IQCM: variants seen among roughly 807,000 people sequenced by gnomAD.
The protein encoded by IQCM is IQ motif containing M, also known as IQ domain-containing protein M.
Under a neutral mutation model 57.6 loss-of-function variants are expected in IQCM, and 45 were observed. The observed-to-expected ratio is 0.78, with a 90% CI of 0.62 to 1.00. The LOEUF (loss-of-function observed/expected upper bound fraction) is 1.00, where lower values mean the gene tolerates loss of function less well. Ranked by LOEUF, IQCM falls within the 50% of genes least tolerant of loss-of-function variation. The probability of loss-of-function intolerance (pLI) is 0.00; values close to 1 mark genes in which losing one functional copy is unlikely to be tolerated. For missense variants in IQCM, 468 were observed against 511.6 expected, an observed-to-expected ratio of 0.91 and a Z score of 0.82; for synonymous variants, 148 against 158.9, an observed-to-expected ratio of 0.93 and a Z score of 0.51.
At chr4:149,446,487 G>C (rs1265767930) in intron 12 of IQCM, among the ~76,000 whole-genome samples, 1 of 151,604 alleles carries the variant, frequency 6.6e-6, no homozygotes, top group Non-Finnish European at 1.5e-5. Context: ...AAGATGCAAA[G>C]TGTCCTTTTT....
At chr4:149,544,463 G>T (rs1748181162) in intron 12 of IQCM, among the ~76,000 whole-genome samples, 1 of 152,048 alleles carries the variant, frequency 6.6e-6, no homozygotes, top group Admixed American at 6.6e-5. Flanking sequence ...ACTTTATATT[G>T]TTAATATGCC....
chr4:149,484,753 G>T (rs1464336856), intron 12 of IQCM, among the ~76,000 whole-genome samples: 2 of 151,960 alleles, frequency 1.3e-5, no homozygotes, highest in African/African-American at 2.4e-5. Flanking sequence ...AGCAGTTGGT[G>T]TGTTATACTA....
At chr4:149,737,584 T>C (rs1767059135) in intron 3 of IQCM, 1 of 152,176 alleles carries the variant, frequency 6.6e-6, no homozygotes, top group African/African-American at 2.4e-5. Context: ...TTTCACCACG[T>C]AGACTCACAG....
chr4:149,581,618 G>A (rs1752190900), intron 9 of IQCM, among the ~76,000 whole-genome samples: 1 of 151,668 alleles, frequency 6.6e-6, no homozygotes, highest in African/African-American at 2.4e-5. Flanking sequence ...TTGCCCTTGG[G>A]AAGTTGACCC....
chr4:149,439,243 G>T (rs1272186645), intron 12 of IQCM, among the ~76,000 whole-genome samples: 2 of 151,864 alleles, frequency 1.3e-5, no homozygotes, highest in African/African-American at 4.8e-5. Context: ...CAAAAGGTTC[G>T]CTTCTTCAGT....
At chr4:149,382,267 A>C (rs1731132444) in intron 13 of IQCM, among the ~76,000 whole-genome samples, 1 of 152,114 alleles carries the variant, frequency 6.6e-6, no homozygotes, top group South Asian at 2.1e-4. Context: ...TAATAAAAAT[A>C]CTTGTGGGGG....
chr4:149,622,001 T>G (rs1371319110), intron 7 of IQCM, among the ~76,000 whole-genome samples: 1 of 152,200 alleles, frequency 6.6e-6, no homozygotes, highest in African/African-American at 2.4e-5. Context: ...TTCCTGAAAC[T>G]TTCAATTTAA....
chr4:149,650,034 C>T (rs1434656458), intron 7 of IQCM, among the ~76,000 whole-genome samples: 2 of 152,046 alleles, frequency 1.3e-5, no homozygotes, highest in African/African-American at 2.4e-5. Flanking sequence ...CCAGTATCTA[C>T]CAAAAGATAG....
At chr4:149,600,528 A>G (rs1009281100) in intron 8 of IQCM, among the ~76,000 whole-genome samples, 2 of 152,206 alleles carry the variant, frequency 1.3e-5, no homozygotes, top group African/African-American at 2.4e-5. Flanking sequence ...TTACTTAGCC[A>G]TCAGCAATTT....
chr4:149,432,863 T>C (rs1220674058), intron 13 of IQCM, among the ~76,000 whole-genome samples: 1 of 151,860 alleles, frequency 6.6e-6, no homozygotes, highest in Non-Finnish European at 1.5e-5. Context: ...AGCGAATACT[T>C]GAAAAGAAGC....
At chr4:149,560,250 T>C (rs1309876603) in intron 10 of IQCM, among the ~76,000 whole-genome samples, 2 of 152,238 alleles carry the variant, frequency 1.3e-5, no homozygotes, top group East Asian at 1.9e-4. Context: ...TTGAAGACCA[T>C]GGAGTTATTC....
At chr4:149,715,100 C>T (rs1232783095) in intron 5 of IQCM, among the ~76,000 whole-genome samples, 1 of 152,202 alleles carries the variant, frequency 6.6e-6, no homozygotes, top group Non-Finnish European at 1.5e-5. Context: ...ATCCTTGGGG[C>T]ATCACTTCAC....
At chr4:149,486,296 C>T (rs559517875) in intron 12 of IQCM, among the ~76,000 whole-genome samples, 1 of 152,184 alleles carries the variant, frequency 6.6e-6, no homozygotes, top group East Asian at 1.9e-4. Flanking sequence ...AATCAAAAAC[C>T]TTAGCATTTT....
intron 4 of IQCM, among the ~76,000 whole-genome samples, chr4:149,734,075 A>G (rs1766710198): frequency 6.6e-6 from 1 of 152,156 alleles, no homozygotes; most frequent in Non-Finnish European, 1.5e-5. Context: ...GAGAAATAAT[A>G]CAGCTCCAGG....
intron 12 of IQCM, among the ~76,000 whole-genome samples, chr4:149,527,563 AT>A (rs1746285337): frequency 1.3e-5 from 2 of 152,200 alleles, no homozygotes; most frequent in African/African-American, 4.8e-5. Context: ...TGTGAGAAAT[AT>A]ATATTTATTG....
intron 12 of IQCM, among the ~76,000 whole-genome samples, chr4:149,470,451 A>C (rs540857607): frequency 6.6e-6 from 1 of 152,336 alleles, no homozygotes; most frequent in Non-Finnish European, 1.5e-5. Flanking sequence ...CACCTAATAC[A>C]GGAGCACCCA....
Position 149,488,688 on chromosome 4 carries a change from T to C in IQCM, c.1229-55131A>G, listed in dbSNP as rs185269955. On this transcript the variant is annotated intron_variant, in intron 12 of 13. Coordinates refer to ENST00000636793, the MANE Select transcript of IQCM (RefSeq NM_001363507.2). The stretch of plus-strand genomic sequence containing the variant: ...TATGACCCAAAAAGGCTCTATTGGG[T>C]CATAACCGCCTCTTTTCAGTCCCTG... Among the ~76,000 whole-genome samples the C allele has an allele frequency of 2.8e-3, 423 of 152,212 alleles. 7 individuals are homozygous for C. Among genetic ancestry groups the C allele is most frequent in the African/African-American group, 9.7e-3 (401 of 41,544 alleles).
At chr4:149,491,996 T>G (rs1742146322) in intron 12 of IQCM, among the ~76,000 whole-genome samples, 1 of 152,142 alleles carries the variant, frequency 6.6e-6, no homozygotes, top group African/African-American at 2.4e-5. Flanking sequence ...TTAATTTCTC[T>G]GCTGATTGGT....
intron 7 of IQCM, among the ~76,000 whole-genome samples, chr4:149,625,432 C>G (rs1227615483): frequency 1.3e-5 from 2 of 152,062 alleles, no homozygotes; most frequent in African/African-American, 4.8e-5. Flanking sequence ...GACTGATTAA[C>G]AAGAGAAAAG....
Sources: allele counts gnomAD v4.1 joint callset (sites outside exome capture counted in the v4.1 genomes callset), GRCh38; gene constraint gnomAD v4.1.1; transcripts MANE v1.5; gene names NCBI Gene and HGNC (gene_info 2026-07-23, HGNC 2026-07-21).